The following NGEF variants were observed in gnomAD, a reference collection of about 807,000 sequenced individuals.
NGEF encodes the protein ephexin-1.
Under a neutral mutation model 80.9 loss-of-function variants are expected in NGEF, and 31 were observed. The ratio of observed to expected loss-of-function variants is 0.38; its 90% CI spans 0.29 to 0.52. The LOEUF (loss-of-function observed/expected upper bound fraction) is 0.52, where lower values mean the gene tolerates loss of function less well. NGEF is among the 20% of genes least tolerant of loss of function. The pLI is 0.84. For synonymous variants in NGEF, 371 were observed against 370.2 expected, an observed-to-expected ratio of 1.00 and a Z score of -0.03; for missense variants, 709 against 926.2, an observed-to-expected ratio of 0.77 and a Z score of 3.04.
In NGEF at chr2:232,927,328, G is replaced by T. The variant is rs62191809; in HGVS notation, c.384-142C>A. On this transcript the variant is annotated intron_variant, in intron 3 of 14. Coordinates refer to ENST00000264051, the MANE Select transcript of NGEF (RefSeq NM_019850.3). ...CGTCCAGGGGCAGCGGCCGCAGCCA[G>T]CGCCGCCCCTCCCGGCCGGGCGGGC... The T allele has an allele frequency of 7.6e-3, 6,514 of 862,310 alleles. 36 individuals are homozygous for T. Among genetic ancestry groups the T allele is most frequent in the Non-Finnish European group, 9.4e-3 (5,777 of 614,044 alleles). The allele number at this position is 862,310 out of a possible 1,614,324, so 53.4% of individuals were successfully genotyped here. A position where few individuals can be genotyped will look rare whatever the true frequency, so the allele number is the denominator to read the frequency against.
intron 3 of NGEF, among the ~76,000 whole-genome samples, chr2:232,959,448 A>G (rs986548791): frequency 4.6e-5 from 7 of 152,178 alleles, no homozygotes; most frequent in African/African-American, 1.7e-4. Flanking sequence ...TGAACATGCA[A>G]CTTGTACATT....
intron 2 of NGEF, among the ~76,000 whole-genome samples, chr2:232,972,345 A>G (rs138813314): frequency 6.6e-6 from 1 of 152,370 alleles, no homozygotes; most frequent in East Asian, 1.9e-4. Flanking sequence ...ATAAAATGGT[A>G]GCTTTTGCAT....
chr2:232,907,280 C>A (rs1291169531), intron 5 of NGEF, among the ~76,000 whole-genome samples: 2 of 150,254 alleles, frequency 1.3e-5, no homozygotes, highest in African/African-American at 4.9e-5. Context: ...AAAAGGCCAT[C>A]ATTATAGGGT....
At chr2:232,904,089 A>G (rs1294208532) in intron 5 of NGEF, among the ~76,000 whole-genome samples, 1 of 152,162 alleles carries the variant, frequency 6.6e-6, no homozygotes, top group Non-Finnish European at 1.5e-5. Context: ...CCCTGTGGTT[A>G]GGCTGCATCA....
At chr2:232,933,064 G>A (rs1198235349) in intron 3 of NGEF, among the ~76,000 whole-genome samples, 2 of 151,682 alleles carry the variant, frequency 1.3e-5, no homozygotes, top group East Asian at 1.9e-4. Flanking sequence ...AGCTGAGGTC[G>A]TGCCATTGCA....
At chr2:232,988,618 G>A (rs1267135589) in intron 1 of NGEF, among the ~76,000 whole-genome samples, 1 of 152,184 alleles carries the variant, frequency 6.6e-6, no homozygotes, top group Non-Finnish European at 1.5e-5. Flanking sequence ...TCCGCTGCAG[G>A]AATTTGGCCA....
In NGEF at chr2:232,899,756, GCT is replaced by G. The variant is rs1429337164; in HGVS notation, c.829-4842_829-4841del. On this transcript the variant is annotated intron_variant, in intron 5 of 14. Coordinates refer to ENST00000264051, the MANE Select transcript of NGEF (RefSeq NM_019850.3). ...TTCACTCACATTCACTTACACACGTGCTCTCACAGTCACTCATATACACGTTC... is the reference window on the plus strand; with the variant it reads ...TTCACTCACATTCACTTACACACGTGCTCACAGTCACTCATATACACGTTC... Among the ~76,000 whole-genome samples the G allele has an allele frequency of 5.7e-3, 751 of 130,710 alleles. 15 individuals carry two copies. Among genetic ancestry groups the G allele is most frequent in the African/African-American group, 0.02 (686 of 33,876 alleles). 85.8% of individuals were successfully genotyped at this position (130,710 alleles called of 152,430 possible).
rs1335033227 is a variant in NGEF, at chr2:232,927,948, TGTCGTG to T, written c.384-768_384-763del. ...CGCGCGTCGCTTTCCGAGGTGGAAC[TGTCGTG>T]GTCCACGGCGCAGGCGGCGCTGAAG... On this transcript the variant is annotated intron_variant, in intron 3 of 14. Coordinates refer to ENST00000264051, the MANE Select transcript of NGEF (RefSeq NM_019850.3). 4 of 1,316,360 alleles carry T rather than the reference TGTCGTG, an allele frequency of 3.0e-6. No homozygotes were observed. The African/African-American group carries it at 6.2e-5, about 21-fold the overall frequency. 81.5% of individuals were successfully genotyped at this position (1,316,360 alleles called of 1,614,324 possible). A position where few individuals can be genotyped will look rare whatever the true frequency, so the allele number is the denominator to read the frequency against.
At chr2:232,961,891 G>C (rs544060719) in intron 3 of NGEF, among the ~76,000 whole-genome samples, 237 of 152,322 alleles carry the variant, frequency 1.6e-3, no homozygotes, top group African/African-American at 5.6e-3. Context: ...CTGAAAAGCA[G>C]AGAAGCAGGA....
At chr2:232,901,808 G>T (rs1692364354) in intron 5 of NGEF, among the ~76,000 whole-genome samples, 1 of 152,226 alleles carries the variant, frequency 6.6e-6, no homozygotes, top group African/African-American at 2.4e-5. Flanking sequence ...GAATGCCAAG[G>T]GTCTAAGGCG....
chr2:232,933,236 G>T (rs556755926), intron 3 of NGEF, among the ~76,000 whole-genome samples: 1 of 152,086 alleles, frequency 6.6e-6, no homozygotes, highest in Non-Finnish European at 1.5e-5. Flanking sequence ...CTTTGTGATG[G>T]AATTTTGCAG....
intron 1 of NGEF, among the ~76,000 whole-genome samples, chr2:232,993,165 AT>A (rs1574657716): frequency 8.5e-6 from 1 of 118,046 alleles, no homozygotes; most frequent in Non-Finnish European, 1.8e-5. Context: ...ATATATATAT[AT>A]TATATATATA....
chr2:232,924,599 C>T (rs1693020830), intron 4 of NGEF, among the ~76,000 whole-genome samples: 1 of 152,118 alleles, frequency 6.6e-6, no homozygotes, highest in Non-Finnish European at 1.5e-5. Flanking sequence ...CACATGGCTC[C>T]CTGAGGATGT....
At chr2:232,903,793 CAGTT>C (rs1364638693) in intron 5 of NGEF, among the ~76,000 whole-genome samples, 3 of 152,172 alleles carry the variant, frequency 2.0e-5, no homozygotes, top group Non-Finnish European at 4.4e-5. Context: ...AATTCAGTAA[CAGTT>C]GGTAAATTAA....
intron 5 of NGEF, among the ~76,000 whole-genome samples, chr2:232,912,805 A>C (rs549281267): frequency 2.2e-4 from 33 of 152,200 alleles, no homozygotes; most frequent in Admixed American, 5.9e-4. Context: ...AGAATTGTTC[A>C]TAATATTTCC....
chr2:232,888,002 G>A, intron 9 of NGEF, 31 bp downstream of exon 9: 3 of 1,567,344 alleles, frequency 1.9e-6, no homozygotes, highest in Middle Eastern at 1.7e-4. Context: ...ACAGTGCATT[G>A]GGATACAGCA....
intron 4 of NGEF, among the ~76,000 whole-genome samples, chr2:232,923,058 G>A (rs1191429453): frequency 6.7e-6 from 1 of 149,376 alleles, no homozygotes. Flanking sequence ...CGAAAACAGC[G>A]AAACTCCATC....
chr2:232,944,852 A>G (rs969454013), intron 3 of NGEF, among the ~76,000 whole-genome samples: 4 of 150,608 alleles, frequency 2.7e-5, no homozygotes, highest in Non-Finnish European at 4.4e-5. Context: ...CTCCGGTTCA[A>G]GTGATTCTCC....
At chr2:232,885,823 A>T (rs1424148018) in intron 9 of NGEF, among the ~76,000 whole-genome samples, 1 of 152,222 alleles carries the variant, frequency 6.6e-6, no homozygotes, top group Non-Finnish European at 1.5e-5. Flanking sequence ...GCACAGGGCC[A>T]GGCTCGCCGC....
Sources: allele counts gnomAD v4.1 joint callset (sites outside exome capture counted in the v4.1 genomes callset), GRCh38; gene constraint gnomAD v4.1.1; transcripts MANE v1.5; gene names NCBI Gene and HGNC (gene_info 2026-07-23, HGNC 2026-07-21).